Variants in CHST11 observed in about 807,000 individuals in gnomAD.
CHST11 encodes the protein C4S-1.
CHST11 carries 9 observed loss-of-function variants against 30.4 expected under a neutral mutation model. The observed-to-expected ratio is 0.30, with a 90% CI of 0.18 to 0.52. The LOEUF (loss-of-function observed/expected upper bound fraction) is 0.52, where lower values mean the gene tolerates loss of function less well. Among genes scored for constraint, CHST11 ranks in the 20% least tolerant of loss-of-function variants. CHST11 has a pLI of 0.97. For synonymous variants in CHST11, 152 were observed against 187.8 expected (o/e 0.81, Z 1.56); for missense variants, 348 against 460.6 (o/e 0.76, Z 2.24).
intron 1 of CHST11, among the ~76,000 whole-genome samples, chr12:104,576,463 A>C (rs2038684686): frequency 6.6e-6 from 1 of 152,220 alleles, no homozygotes; most frequent in South Asian, 2.1e-4. Context: ...ACCGTCCACT[A>C]GAAAGGGAAA....
intron 2 of CHST11, among the ~76,000 whole-genome samples, chr12:104,622,561 T>G (rs1468152536): frequency 6.6e-6 from 1 of 152,042 alleles, no homozygotes; most frequent in African/African-American, 2.4e-5. Flanking sequence ...ATTAAATAAC[T>G]CTCCCCAGCC....
intron 1 of CHST11, among the ~76,000 whole-genome samples, chr12:104,540,609 G>A (rs1300613131): frequency 6.6e-6 from 1 of 152,212 alleles, no homozygotes; most frequent in Non-Finnish European, 1.5e-5. Context: ...CCTCACCTGG[G>A]TGATCTTGTC....
At chr12:104,693,585 A>T (rs532747801) in intron 2 of CHST11, among the ~76,000 whole-genome samples, 1 of 152,206 alleles carries the variant, frequency 6.6e-6, no homozygotes, top group Non-Finnish European at 1.5e-5. Context: ...ATGGGAGACA[A>T]GAAAGTGGCA....
At chr12:104,726,892 GGTAGGAT>G in intron 2 of CHST11, among the ~76,000 whole-genome samples, 1 of 152,286 alleles carries the variant, frequency 6.6e-6, no homozygotes, top group South Asian at 2.1e-4. Flanking sequence ...GGCCCTGAAA[GGTAGGAT>G]GTAGGGCAGA....
chr12:104,513,139 T>TGGGGGGGGGGGG (rs1565969846), intron 1 of CHST11, among the ~76,000 whole-genome samples: 14 of 2,930 alleles, frequency 4.8e-3, no homozygotes, highest in South Asian at 0.014. Context: ...GGGGGGGGGT[T>TGGGGGGGGGGGG]GGGGGTGGGG....
At chr12:104,725,724 A>G (rs2040211935) in intron 2 of CHST11, among the ~76,000 whole-genome samples, 1 of 151,928 alleles carries the variant, frequency 6.6e-6, no homozygotes, top group Admixed American at 6.6e-5. Flanking sequence ...TGGACTTCCT[A>G]TAGGCCAATT....
At chr12:104,679,590 G>A (rs1311578773) in intron 2 of CHST11, among the ~76,000 whole-genome samples, 2 of 152,290 alleles carry the variant, frequency 1.3e-5, no homozygotes, top group South Asian at 4.1e-4. Context: ...CAGCTGGTGA[G>A]GGGGGCCAGG....
Position 104,513,123 on chromosome 12 carries a change from T to TGGTGGGGGGG in CHST11, c.118+55596_118+55597insTGGGGGGGGG, listed in dbSNP as rs1555229062. 5.9e-4 allele frequency among the ~76,000 whole-genome samples: 2 copies of TGGTGGGGGGG among 3,380 alleles called. 1 individual carries two copies. The highest frequency in any genetic ancestry group is 4.9e-3 in the East Asian group (2 of 406). The allele number at this position is 3,380 out of a possible 152,430, so 2.2% of individuals were successfully genotyped here. A position where few individuals can be genotyped will look rare whatever the true frequency, so the allele number is the denominator to read the frequency against. ...TGCCAGTGCTTCCAAATGTCATGAC[T>TGGTGGGGGGG]GGGGGGGGGGGGGGTTGGGGGTGGG... is the stretch of plus-strand genomic sequence containing the variant. On this transcript the variant is annotated intron_variant, in intron 1 of 2. Transcript: ENST00000303694.
At chr12:104,573,879 G>A (rs1565992416) in intron 1 of CHST11, among the ~76,000 whole-genome samples, 1 of 152,162 alleles carries the variant, frequency 6.6e-6, no homozygotes, top group Non-Finnish European at 1.5e-5. Context: ...TGAAACTAAA[G>A]ACCTTCTGCA....
intron 1 of CHST11, among the ~76,000 whole-genome samples, chr12:104,475,822 G>A (rs979532537): frequency 2.8e-4 from 40 of 143,702 alleles, no homozygotes; most frequent in Admixed American, 7.8e-4. Context: ...TATATCCATG[G>A]AAAAATAGAC....
intron 2 of CHST11, among the ~76,000 whole-genome samples, chr12:104,678,148 T>C (rs969677229): frequency 6.6e-6 from 1 of 152,234 alleles, no homozygotes; most frequent in African/African-American, 2.4e-5. Flanking sequence ...CTCTAGAATT[T>C]AACCTTACAT....
chr12:104,577,141 A>T (rs2038691049), intron 1 of CHST11, among the ~76,000 whole-genome samples: 1 of 151,610 alleles, frequency 6.6e-6, no homozygotes. Context: ...CAGCAGCCCC[A>T]GACACTTTGG....
intron 1 of CHST11, among the ~76,000 whole-genome samples, chr12:104,504,018 C>G (rs571251250): frequency 3.3e-5 from 5 of 152,200 alleles, no homozygotes; most frequent in Non-Finnish European, 5.9e-5. Flanking sequence ...AAAAGTTGGA[C>G]GCACCCAGTC....
At chr12:104,510,009 G>A (rs533320746) in intron 1 of CHST11, among the ~76,000 whole-genome samples, 5 of 152,158 alleles carry the variant, frequency 3.3e-5, no homozygotes, top group African/African-American at 9.7e-5. Flanking sequence ...TCAAGGCCAC[G>A]GTGAAGGTCA....
At chr12:104,711,978 G>A (rs1346068323) in intron 2 of CHST11, among the ~76,000 whole-genome samples, 1 of 152,186 alleles carries the variant, frequency 6.6e-6, no homozygotes, top group Non-Finnish European at 1.5e-5. Flanking sequence ...ATGTTGGAAG[G>A]AGAGGAGTGT....
intron 1 of CHST11, among the ~76,000 whole-genome samples, chr12:104,558,538 T>TCCCCCCCCCCCCCC (rs71441899): frequency 1.9e-4 from 22 of 117,752 alleles, no homozygotes; most frequent in African/African-American, 1.7e-4. Context: ...CAGCAGAAAT[T>TCCCCCCCCCCCCCC]CCCCCCCCCG....
At chr12:104,518,178 G>A (rs117062249) in intron 1 of CHST11, among the ~76,000 whole-genome samples, 3,617 of 152,112 alleles carry the variant, frequency 0.024, 139 homozygotes, top group East Asian at 0.17. Flanking sequence ...TCCCCGCTAC[G>A]TGGGAGGCTG....
rs114860841 is a variant in CHST11 at position 104,458,771 on chromosome 12, G to A, written c.118+1242G>A. Among the ~76,000 whole-genome samples the A allele has an allele frequency of 3.8e-3, 582 of 152,362 alleles. 6 individuals carry two copies. The highest frequency in any genetic ancestry group is 0.013 in the African/African-American group (547 of 41,584). Reference sequence around the variant, plus strand: ...TTGCAAGGAGGAGGGAGGTGGAAACGCATTTCCTTCCAGGGAAGTGGGGTT... The same window carrying A: ...TTGCAAGGAGGAGGGAGGTGGAAACACATTTCCTTCCAGGGAAGTGGGGTT... On this transcript the variant is annotated intron_variant, in intron 1 of 2. Transcript: ENST00000303694. The surrounding 1 kb of genome is among the most constrained non-coding windows in gnomAD (Gnocchi z 5.7).
intron 2 of CHST11, among the ~76,000 whole-genome samples, chr12:104,680,473 C>T (rs12308463): frequency 3.3e-5 from 5 of 152,228 alleles, no homozygotes; most frequent in African/African-American, 4.8e-5. Context: ...GGCCAATCTG[C>T]GGGGCCTGGT....
Sources: allele counts gnomAD v4.1 joint callset (sites outside exome capture counted in the v4.1 genomes callset), GRCh38; gene constraint gnomAD v4.1.1; non-coding constraint Gnocchi (gnomAD v3.1); transcripts MANE v1.5; gene names NCBI Gene and HGNC (gene_info 2026-07-23, HGNC 2026-07-21).